The following RBM24 variants were observed in gnomAD, a reference collection of about 807,000 sequenced individuals.
RBM24 encodes RNA-binding protein 24.
RBM24 carries 5 observed loss-of-function variants against 23.6 expected under a neutral mutation model. The observed-to-expected ratio is 0.21, with a 90% CI of 0.11 to 0.45. The LOEUF is 0.45. RBM24 is among the 20% of genes least tolerant of loss of function. RBM24 has a pLI of 0.99. For missense variants in RBM24, 252 were observed against 314.6 expected, an observed-to-expected ratio of 0.80 and a Z score of 1.51; for synonymous variants, 151 against 129.5, an observed-to-expected ratio of 1.17 and a Z score of -1.13.
chr6:17,288,307 T>G (rs1760255729), intron 3 of RBM24: 1 of 985,400 alleles, frequency 1.0e-6, no homozygotes. Context: ...TGGCTTCAGA[T>G]AAGAGAGACG....
In RBM24 at chr6:17,281,657, A is replaced by G; in HGVS notation, c.76A>G (p.Ser26Gly). Residue 26 changes from serine (S) to glycine (G), a missense_variant, in exon 1 of 4, where the codon AGC becomes GGC. Physicochemically the swap from Ser to Gly is moderately conservative, Grantham distance 56. Coordinates refer to ENST00000379052, the MANE Select transcript of RBM24 (RefSeq NM_001143942.2). This position sits in a 1 kb window ranked among gnomAD's most constrained non-coding sequence, Gnocchi z 7.1. Reference sequence around the variant, plus strand: ...GCTGCCCTACCACACCACCGACGCCAGCCTGCGCAAGTACTTCGAGGTCTT... The same window carrying G: ...GCTGCCCTACCACACCACCGACGCCGGCCTGCGCAAGTACTTCGAGGTCTT... Reference protein sequence around the residue: ...GGLPYHTTDASLRKYFEVFGE... With the variant: ...GGLPYHTTDAGLRKYFEVFGE... 6.4e-7 allele frequency: 1 copy of G among 1,550,680 alleles called. No individual in the cohort carries two copies. Among genetic ancestry groups the G allele is most frequent in the Non-Finnish European group, 8.7e-7 (1 of 1,146,750 alleles).
intron 3 of RBM24, chr6:17,289,039 G>A: frequency 1.0e-6 from 1 of 985,414 alleles, no homozygotes; most frequent in Non-Finnish European, 1.2e-6. Context: ...AACCTGAAGA[G>A]ATGGGAAGAA....
intron 3 of RBM24, among the ~76,000 whole-genome samples, chr6:17,287,678 T>C (rs894511378): frequency 3.8e-4 from 57 of 151,718 alleles, no homozygotes; most frequent in African/African-American, 8.5e-4. Flanking sequence ...GGCGTGGTGG[T>C]GGGCGCCTGT....
intron 3 of RBM24, chr6:17,288,748 A>G (rs1223039598): frequency 1.0e-6 from 1 of 976,836 alleles, no homozygotes; most frequent in East Asian, 1.1e-4. Context: ...GGAAACATAA[A>G]GGAGCCCAGT....
At chr6:17,282,167 C>G in intron 1 of RBM24, 2 of 1,257,760 alleles carry the variant, frequency 1.6e-6, no homozygotes, top group Non-Finnish European at 2.1e-6. Context: ...GGACACCCCA[C>G]GAGGTCTGGG....
At chr6:17,289,940 A>T in intron 3 of RBM24, 1 of 1,283,706 alleles carries the variant, frequency 7.8e-7, no homozygotes, top group Non-Finnish European at 1.0e-6. Flanking sequence ...CCTGACCTGC[A>T]GCAAAGTTCT....
At chr6:17,284,965 A>T (rs1278212567) in intron 3 of RBM24, 3 of 364,308 alleles carry the variant, frequency 8.2e-6, no homozygotes, top group Non-Finnish European at 1.5e-5. Flanking sequence ...AATACCAGGT[A>T]TGACTTGTGT....
Position 17,281,746 on chromosome 6 carries a change from A to C in RBM24, c.165A>C (p.Gly55=). 1 of 1,548,932 alleles carries C rather than the reference A, an allele frequency of 6.5e-7. No homozygotes were observed. Among genetic ancestry groups the C allele is most frequent in the Non-Finnish European group, 8.7e-7 (1 of 1,145,802 alleles). The change falls in exon 1 of 4, where the codon GGA becomes GGC. Residue 55 remains glycine (G), a synonymous_variant. Transcript: ENST00000379052. The surrounding 1 kb of genome is among the most constrained non-coding windows in gnomAD (Gnocchi z 7.1). ...DRQTGKSRGY[G]FVTMADRAAA... The stretch of plus-strand genomic sequence containing the variant: ...AGACGGGCAAGTCCCGGGGCTATGG[A>C]TTTGTAAGTTGCACGGACTGGGGGT...
Position 17,292,994 on chromosome 6 carries a change from C to T in RBM24, c.*875C>T, listed in dbSNP as rs1760416724. 6.6e-6 allele frequency: 1 copy of T among 152,194 alleles called. No individual in the cohort carries two copies. Among genetic ancestry groups the T allele is most frequent in the South Asian group, 2.1e-4 (1 of 4,826 alleles). The allele number at this position is 152,194 out of a possible 1,614,324, so 9.4% of individuals were successfully genotyped here. ...CTTCTCTTTCTATTTATTGTGTCGA[C>T]TCGTGGCTTATGAATAAAGGCAGGC... On this transcript the variant is annotated 3_prime_UTR_variant, in exon 4 of 4. Coordinates refer to ENST00000379052, the MANE Select transcript of RBM24 (RefSeq NM_001143942.2).
At chr6:17,285,265 G>A (rs1760158825) in intron 3 of RBM24, 1 of 152,170 alleles carries the variant, frequency 6.6e-6, no homozygotes, top group African/African-American at 2.4e-5. Flanking sequence ...GTAATGAAGT[G>A]GTGTTGATAG....
In RBM24 at chr6:17,281,532, GC is replaced by G. The variant is rs1346817930; in HGVS notation, c.-47del. Reference sequence around the variant, plus strand: ...AGCCGGAGGAGGAGGCGCAGCCGCTGCCCGAGCCGCAGCCGCAGCCGGAGCC... The same window carrying G: ...AGCCGGAGGAGGAGGCGCAGCCGCTGCCGAGCCGCAGCCGCAGCCGGAGCC... On this transcript the variant is annotated 5_prime_UTR_variant, in exon 1 of 4. Transcript: ENST00000379052. This position sits in a 1 kb window ranked among gnomAD's most constrained non-coding sequence, Gnocchi z 7.1. 1.4e-6 allele frequency: 2 copies of G among 1,452,600 alleles called. No homozygotes were observed. The highest frequency in any genetic ancestry group is 2.8e-5 in the South Asian group (2 of 71,660). 90.0% of individuals were successfully genotyped at this position (1,452,600 alleles called of 1,614,324 possible).
intron 3 of RBM24, chr6:17,289,020 T>C: frequency 3.0e-6 from 3 of 985,398 alleles, no homozygotes; most frequent in Non-Finnish European, 3.6e-6. Context: ...CACATAGAGA[T>C]GTCAGTGGAA....
intron 1 of RBM24, chr6:17,282,114 G>C (rs1222496299): frequency 6.6e-6 from 8 of 1,219,714 alleles, no homozygotes; most frequent in African/African-American, 4.7e-5. Context: ...CTGTTGCTTT[G>C]TAAAAATGCG....
At position 17,293,804 on chromosome 6, in the gene RBM24, T is replaced by C. The variant is rs1454395248; in HGVS notation, c.*1685T>C. 1 of 152,672 alleles carries C rather than the reference T, an allele frequency of 6.5e-6. No individual in the cohort carries two copies. Among genetic ancestry groups the C allele is most frequent in the Non-Finnish European group, 1.5e-5 (1 of 68,038 alleles). 9.5% of individuals were successfully genotyped at this position (152,672 alleles called of 1,614,324 possible). On this transcript the variant is annotated 3_prime_UTR_variant, in exon 4 of 4. Transcript: ENST00000379052. ...TCCTGTGCAAATTATTTATTCGTTGTGTATATTGCTTTATAACATTTCAGA... is the reference window on the plus strand; with the variant it reads ...TCCTGTGCAAATTATTTATTCGTTGCGTATATTGCTTTATAACATTTCAGA...
intron 3 of RBM24, among the ~76,000 whole-genome samples, chr6:17,287,702 G>A (rs993566324): frequency 1.8e-4 from 28 of 152,022 alleles, no homozygotes; most frequent in Non-Finnish European, 1.9e-4. Context: ...CCAGCTACTC[G>A]GGAGGCTGAG....
At chr6:17,285,196 T>C (rs1461223654) in intron 3 of RBM24, 1 of 152,416 alleles carries the variant, frequency 6.6e-6, no homozygotes, top group African/African-American at 2.4e-5. Context: ...GTTGGTGTTG[T>C]TGTTTTTATT....
intron 3 of RBM24, chr6:17,288,523 A>T: frequency 1.0e-6 from 1 of 985,336 alleles, no homozygotes; most frequent in East Asian, 1.1e-4. Flanking sequence ...TATGCAAAAT[A>T]GGAGGCTATG....
At position 17,293,332 on chromosome 6, in the gene RBM24, G is replaced by C. The variant is rs75490205; in HGVS notation, c.*1213G>C. ...TGGCATAAATTATTTAGTAAGTCTA[G>C]ATGTAGCGTATTAAATATTAACCTA... is the stretch of plus-strand genomic sequence containing the variant. On this transcript the variant is annotated 3_prime_UTR_variant, in exon 4 of 4. Coordinates refer to ENST00000379052, the MANE Select transcript of RBM24 (RefSeq NM_001143942.2). The C allele has an allele frequency of 0.032, 4,906 of 152,694 alleles. 126 individuals carry two copies. The highest frequency in any genetic ancestry group is 0.14 in the East Asian group (708 of 5,190). 9.5% of individuals were successfully genotyped at this position (152,694 alleles called of 1,614,324 possible).
At chr6:17,282,456 G>A (rs1321996693) in intron 1 of RBM24, 5 of 486,252 alleles carry the variant, frequency 1.0e-5, no homozygotes, top group African/African-American at 5.9e-5. Context: ...AGGGACCTGG[G>A]GGGCGGGGGA....
Sources: allele counts gnomAD v4.1 joint callset (sites outside exome capture counted in the v4.1 genomes callset), GRCh38; gene constraint gnomAD v4.1.1; non-coding constraint Gnocchi (gnomAD v3.1); transcripts MANE v1.5; gene names NCBI Gene and HGNC (gene_info 2026-07-23, HGNC 2026-07-21).